The following COLEC10 variants were observed in gnomAD, a reference collection of about 807,000 sequenced individuals.
COLEC10 encodes the protein collectin-10.
A neutral mutation model predicts 28.4 loss-of-function variants in COLEC10; 22 were observed. That is an observed-to-expected ratio of 0.78 (90% CI 0.55 to 1.11). The LOEUF (loss-of-function observed/expected upper bound fraction) is 1.11, where lower values mean the gene tolerates loss of function less well. Ranked by LOEUF, COLEC10 falls within the 50% of genes least tolerant of loss-of-function variation. COLEC10 has a pLI of 0.00. For synonymous variants in COLEC10, 125 were observed against 116.1 expected (o/e 1.08, Z -0.49); for missense variants, 361 against 344.1 (o/e 1.05, Z -0.39).
intron 2 of COLEC10, among the ~76,000 whole-genome samples, chr8:119,040,398 A>G (rs1160396193): frequency 2.6e-5 from 4 of 152,160 alleles, no homozygotes; most frequent in African/African-American, 9.7e-5. Context: ...TTGGCACATT[A>G]AGGTGGAAGA....
At chr8:118,984,766 C>A in the COLEC10 span, among the ~76,000 whole-genome samples, 1 of 152,040 alleles carries the variant, frequency 6.6e-6, no homozygotes, top group African/African-American at 2.4e-5. Context: ...TAAAGACATA[C>A]CCAAGACTGG....
At chr8:119,033,100 A>T (rs151229172) in intron 2 of COLEC10, among the ~76,000 whole-genome samples, 3 of 152,150 alleles carry the variant, frequency 2.0e-5, no homozygotes, top group Non-Finnish European at 4.4e-5. Flanking sequence ...AAACCCACTT[A>T]GGGTCTTTTC....
chr8:119,105,271 A>G (rs1246807337), intron 5 of COLEC10, among the ~76,000 whole-genome samples: 1 of 152,168 alleles, frequency 6.6e-6, no homozygotes, highest in African/African-American at 2.4e-5. Context: ...GTTGAGTGCT[A>G]GAAGGAGGAA....
chr8:118,977,944 G>A, the COLEC10 span, among the ~76,000 whole-genome samples: 1 of 151,892 alleles, frequency 6.6e-6, no homozygotes, highest in African/African-American at 2.4e-5. Context: ...CCCTCTTATG[G>A]TTGCACAAAT....
chr8:119,055,986 G>A (rs895611568), intron 2 of COLEC10, among the ~76,000 whole-genome samples: 20 of 151,890 alleles, frequency 1.3e-4, no homozygotes, highest in Admixed American at 1.2e-3. Flanking sequence ...CCAACTCCAC[G>A]TATCCAAGAT....
chr8:118,987,286 G>C, the COLEC10 span, among the ~76,000 whole-genome samples: 1 of 152,194 alleles, frequency 6.6e-6, no homozygotes, highest in African/African-American at 2.4e-5. Flanking sequence ...TAACCAGGCT[G>C]GGTGCAGTGG....
the COLEC10 span, among the ~76,000 whole-genome samples, chr8:118,972,849 G>A: frequency 6.6e-6 from 1 of 152,036 alleles, no homozygotes; most frequent in East Asian, 1.9e-4. Flanking sequence ...TTGACTCACA[G>A]TTCAGCATGG....
rs749738952 is a variant in COLEC10 at position 119,091,193 on chromosome 8, G to T, written c.265G>T (p.Gly89Cys). The T allele has an allele frequency of 4.9e-5, 79 of 1,612,392 alleles. No individual in the cohort carries two copies. The highest frequency in any genetic ancestry group is 6.6e-5 in the Non-Finnish European group (78 of 1,179,214). ...LGDMGDQGNI[G>C]KTGPIGKKGD... ...TGATATGGGAGATCAGGGCAATATT[G>T]GCAAGACTGGGCCCATTGGGAAGAA... Residue 89 changes from glycine (G) to cysteine (C), a missense_variant, in exon 3 of 6, where the codon GGC (glycine) becomes TGC (cysteine). Around this residue, in one of 3 missense-constraint regions of COLEC10, gnomAD observed 335 missense variants for 308.5 expected, o/e 1.09. Coordinates refer to ENST00000332843, the MANE Select transcript of COLEC10 (RefSeq NM_006438.5).
At chr8:119,080,700 G>A (rs1360838746) in intron 1 of COLEC10, among the ~76,000 whole-genome samples, 2 of 152,048 alleles carry the variant, frequency 1.3e-5, no homozygotes, top group Non-Finnish European at 2.9e-5. Context: ...ATAAAATGAA[G>A]ATGTAAAGAA....
chr8:119,102,408 T>C lies in COLEC10; in HGVS notation c.346+7T>C, dbSNP rs377625621. On this transcript the variant is annotated splice_region_variant and intron_variant, in intron 4 of 5. Coordinates refer to ENST00000332843, the MANE Select transcript of COLEC10 (RefSeq NM_006438.5). ...GGAGAAAAAGGCAAAGCAGGTACGATATGTTCAATGTTCTCTTTGATTTCT... is the reference window on the plus strand; with the variant it reads ...GGAGAAAAAGGCAAAGCAGGTACGACATGTTCAATGTTCTCTTTGATTTCT... 2 of 1,604,820 alleles carry C rather than the reference T, an allele frequency of 1.2e-6. No homozygotes were observed. Among genetic ancestry groups the C allele is most frequent in the Non-Finnish European group, 8.5e-7 (1 of 1,174,024 alleles).
chr8:119,077,497 T>C (rs183201686), intron 1 of COLEC10, among the ~76,000 whole-genome samples: 2 of 152,330 alleles, frequency 1.3e-5, no homozygotes, highest in African/African-American at 4.8e-5. Context: ...AAATGGGTCA[T>C]ATCATTACCT....
At chr8:119,049,768 C>T (rs954035333) in intron 2 of COLEC10, among the ~76,000 whole-genome samples, 1 of 152,128 alleles carries the variant, frequency 6.6e-6, no homozygotes, top group Non-Finnish European at 1.5e-5. Flanking sequence ...GAAAGAGGAA[C>T]ATTAAGTCAT....
rs200954056 is a variant in COLEC10, at chr8:119,091,595, GAGAAAGAA to G, written c.292+409_292+416del. 2.0e-3 allele frequency among the ~76,000 whole-genome samples: 273 copies of G among 138,566 alleles called. No individual in the cohort carries two copies. In the Middle Eastern group the frequency reaches 0.039, roughly 20 times the overall value. The allele number at this position is 138,566 out of a possible 152,430, so 90.9% of individuals were successfully genotyped here. On this transcript the variant is annotated intron_variant, in intron 3 of 5. Transcript: ENST00000332843. ...AGAAAGAGAGAGAGAGAGAGAGAGA[GAGAAAGAA>G]AGAAAGAAAGAAAGAAAGAAAGAAA...
chr8:119,043,493 T>A (rs746745268), intron 2 of COLEC10, among the ~76,000 whole-genome samples: 1 of 152,184 alleles, frequency 6.6e-6, no homozygotes, highest in Non-Finnish European at 1.5e-5. Context: ...ACTGTAGAGT[T>A]TCTTGAAAAA....
At chr8:119,020,401 T>C (rs764693063) in intron 2 of COLEC10, among the ~76,000 whole-genome samples, 5 of 152,160 alleles carry the variant, frequency 3.3e-5, no homozygotes, top group Non-Finnish European at 7.3e-5. Flanking sequence ...AATAAACATT[T>C]TGGAGGTTTT....
chr8:118,968,923 ACTGTT>A, the COLEC10 span, among the ~76,000 whole-genome samples: 1 of 151,952 alleles, frequency 6.6e-6, no homozygotes, highest in Non-Finnish European at 1.5e-5. Flanking sequence ...TTGAACAAAT[ACTGTT>A]CCCTCAAAGA....
At chr8:118,961,261 T>C in the COLEC10 span, among the ~76,000 whole-genome samples, 2 of 152,210 alleles carry the variant, frequency 1.3e-5, no homozygotes, top group African/African-American at 2.4e-5. Flanking sequence ...AAGCAGGAAC[T>C]TGTACTCTAG....
chr8:119,105,164 C>T (rs1435047821), intron 5 of COLEC10, among the ~76,000 whole-genome samples: 2 of 152,104 alleles, frequency 1.3e-5, no homozygotes, highest in African/African-American at 4.8e-5. Flanking sequence ...GTATTCCAGG[C>T]ACTGAAGCCA....
intron 3 of COLEC10, 86 bp downstream of exon 3, chr8:119,091,306 C>A (rs1482505882): frequency 2.1e-6 from 2 of 967,110 alleles, no homozygotes; most frequent in Non-Finnish European, 1.6e-6. Context: ...TCCCAACACT[C>A]AGAGACCGAG....
Sources: gnomAD v4.1 joint callset for allele counts (sites outside exome capture counted in the v4.1 genomes callset) on GRCh38, gnomAD v4.1.1 for gene constraint, gnomAD v4.1.1 regional missense constraint, MANE v1.5 for transcripts, NCBI Gene and HGNC (gene_info 2026-07-23, HGNC 2026-07-21) for gene names.